SKAP1: variants seen among roughly 807,000 people sequenced by gnomAD.
SKAP1 encodes the protein src kinase associated phosphoprotein 1.
In SKAP1, 44 loss-of-function variants were observed where a neutral mutation model predicts 58.5. The ratio of observed to expected loss-of-function variants is 0.75; its 90% CI spans 0.59 to 0.97. SKAP1 has a LOEUF of 0.97. SKAP1 is among the 50% of genes least tolerant of loss of function. The probability of loss-of-function intolerance (pLI) is 0.00; values close to 1 mark genes in which losing one functional copy is unlikely to be tolerated. For missense variants in SKAP1, 390 were observed against 435.2 expected, an observed-to-expected ratio of 0.90 and a Z score of 0.92; for synonymous variants, 127 against 149.7, an observed-to-expected ratio of 0.85 and a Z score of 1.11.
chr17:48,312,873 G>C (rs766247730), intron 4 of SKAP1, among the ~76,000 whole-genome samples: 1 of 152,086 alleles, frequency 6.6e-6, no homozygotes, highest in Non-Finnish European at 1.5e-5. Flanking sequence ...CTTGGAGGTG[G>C]GCTGTTTATT....
intron 4 of SKAP1, among the ~76,000 whole-genome samples, chr17:48,290,267 G>T (rs1598517593): frequency 6.6e-6 from 1 of 151,950 alleles, no homozygotes; most frequent in Non-Finnish European, 1.5e-5. Context: ...AACTAAAGAT[G>T]GTATGTTTTT....
chr17:48,441,948 C>G, the SKAP1 span, among the ~76,000 whole-genome samples: 1 of 152,066 alleles, frequency 6.6e-6, no homozygotes. Flanking sequence ...TTCCAGGATC[C>G]CTTTACAGCA....
intron 4 of SKAP1, among the ~76,000 whole-genome samples, chr17:48,327,602 C>G (rs1338003517): frequency 6.6e-6 from 1 of 152,168 alleles, no homozygotes; most frequent in Non-Finnish European, 1.5e-5. Context: ...TTCCCACTGT[C>G]TGCATTTTGC....
chr17:48,246,550 T>C (rs1438155054), intron 4 of SKAP1, among the ~76,000 whole-genome samples: 1 of 152,216 alleles, frequency 6.6e-6, no homozygotes, highest in Non-Finnish European at 1.5e-5. Context: ...TCAAATACGG[T>C]TCTTCATGGA....
At chr17:48,404,579 G>A (rs1019773479) in intron 1 of SKAP1, among the ~76,000 whole-genome samples, 3 of 152,074 alleles carry the variant, frequency 2.0e-5, no homozygotes, top group Admixed American at 6.5e-5. Context: ...TAGGGTCAAT[G>A]GATACTACTT....
At chr17:48,443,849 A>T in the SKAP1 span, among the ~76,000 whole-genome samples, 1 of 152,066 alleles carries the variant, frequency 6.6e-6, no homozygotes, top group Non-Finnish European at 1.5e-5. Flanking sequence ...AGTATCTAGA[A>T]CTCAAGTATA....
chr17:48,404,128 T>C (rs1353416541), intron 1 of SKAP1, among the ~76,000 whole-genome samples: 1 of 149,560 alleles, frequency 6.7e-6, no homozygotes, highest in South Asian at 2.1e-4. Flanking sequence ...GTGGTCTACA[T>C]GGTTTAAAAT....
intron 6 of SKAP1, 78 bp from the exon 7 acceptor site, chr17:48,184,925 T>G (rs959502327): frequency 7.0e-7 from 1 of 1,429,296 alleles, no homozygotes; most frequent in African/African-American, 1.4e-5. Context: ...GTATGTAAAA[T>G]AAAAGCACAG....
intron 10 of SKAP1, among the ~76,000 whole-genome samples, chr17:48,163,271 C>T (rs2064093498): frequency 6.6e-6 from 1 of 152,086 alleles, no homozygotes; most frequent in Non-Finnish European, 1.5e-5. Context: ...GAACAGAAAC[C>T]AAAGTGATCT....
chr17:48,412,909 GTTAAT>G (rs769504308), intron 1 of SKAP1, among the ~76,000 whole-genome samples: 2 of 151,974 alleles, frequency 1.3e-5, no homozygotes, highest in Non-Finnish European at 2.9e-5. Flanking sequence ...GAGGTCACAT[GTTAAT>G]TTAAGTACTT....
intron 4 of SKAP1, among the ~76,000 whole-genome samples, chr17:48,262,524 G>A (rs559683590): frequency 1.3e-5 from 2 of 152,218 alleles, no homozygotes; most frequent in Non-Finnish European, 2.9e-5. Context: ...TTATTGTAAA[G>A]TATTATAGTA....
At chr17:48,369,401 G>C (rs775491903) in intron 2 of SKAP1, among the ~76,000 whole-genome samples, 34 of 150,898 alleles carry the variant, frequency 2.3e-4, no homozygotes, top group Non-Finnish European at 4.3e-4. Context: ...TGAGGTGGGA[G>C]GATTGCATGA....
intron 3 of SKAP1, among the ~76,000 whole-genome samples, chr17:48,359,557 A>G (rs2066911921): frequency 6.6e-6 from 1 of 152,092 alleles, no homozygotes; most frequent in South Asian, 2.1e-4. Context: ...TAATTTCCTT[A>G]TTCACTTAGC....
chr17:48,145,811 T>C (rs2063825246), intron 11 of SKAP1, among the ~76,000 whole-genome samples: 1 of 152,212 alleles, frequency 6.6e-6, no homozygotes, highest in Admixed American at 6.5e-5. Context: ...TGACCTGGAA[T>C]GACCATCCTG....
intron 1 of SKAP1, among the ~76,000 whole-genome samples, chr17:48,413,728 A>G (rs76741317): frequency 2.0e-5 from 3 of 151,734 alleles, no homozygotes; most frequent in Non-Finnish European, 4.4e-5. Context: ...GAAGTGATCA[A>G]CCTTTTACAA....
intron 4 of SKAP1, among the ~76,000 whole-genome samples, chr17:48,297,755 T>TA (rs1167878564): frequency 3.9e-5 from 6 of 152,140 alleles, no homozygotes; most frequent in African/African-American, 1.4e-4. Context: ...TATTGGTTAT[T>TA]AAAAAGAACA....
intron 3 of SKAP1, among the ~76,000 whole-genome samples, chr17:48,363,101 A>G (rs2066956222): frequency 6.6e-6 from 1 of 152,338 alleles, no homozygotes; most frequent in Non-Finnish European, 1.5e-5. Context: ...TCGGAAAAAA[A>G]TATTTCAATT....
chr17:48,150,462 T>C (rs2063887904), intron 11 of SKAP1, among the ~76,000 whole-genome samples: 1 of 152,210 alleles, frequency 6.6e-6, no homozygotes, highest in South Asian at 2.1e-4. Flanking sequence ...TCAAAAGGCA[T>C]TGCTTTGTAG....
the SKAP1 span, among the ~76,000 whole-genome samples, chr17:48,437,972 T>C: frequency 6.6e-6 from 1 of 152,074 alleles, no homozygotes; most frequent in South Asian, 2.1e-4. Context: ...GGAAGTGATA[T>C]GTTGAAATGG....
Sources: allele counts gnomAD v4.1 joint callset (sites outside exome capture counted in the v4.1 genomes callset), GRCh38; gene constraint gnomAD v4.1.1; transcripts MANE v1.5; gene names NCBI Gene and HGNC (gene_info 2026-07-23, HGNC 2026-07-21).